CTNND2: variants seen among roughly 807,000 people sequenced by gnomAD.
The protein encoded by CTNND2 is catenin delta 2, also known as catenin delta-2.
CTNND2 carries 22 observed loss-of-function variants against 144.4 expected under a neutral mutation model. The ratio of observed to expected loss-of-function variants is 0.15; its 90% confidence interval spans 0.11 to 0.22. The LOEUF is 0.22. Ranked by LOEUF, CTNND2 falls within the 10% of genes least tolerant of loss-of-function variation. CTNND2 has a pLI of 1.00. For missense variants in CTNND2, 1,353 were observed against 1,618.8 expected, an observed-to-expected ratio of 0.84 and a Z score of 2.82; for synonymous variants, 751 against 695.6, an observed-to-expected ratio of 1.08 and a Z score of -1.25.
Position 11,251,323 on chromosome 5 carries a change from G to A in CTNND2, c.1629-14500C>T, listed in dbSNP as rs115438807. Among the ~76,000 whole-genome samples the A allele has an allele frequency of 3.9e-3, 600 of 152,212 alleles. 2 individuals are homozygous for A. The highest frequency in any genetic ancestry group is 3.6e-3 in the Non-Finnish European group (248 of 68,014). On this transcript the variant is annotated intron_variant, in intron 9 of 21. Transcript: ENST00000304623. ...GAATCATCTACATCCTAACATGTCC[G>A]TGCTTTGGGGCACTGCACAACTTCT...
intron 1 of CTNND2, among the ~76,000 whole-genome samples, chr5:11,896,813 T>C (rs1737431888): frequency 6.6e-6 from 1 of 152,194 alleles, no homozygotes; most frequent in African/African-American, 2.4e-5. Context: ...GCTTTAGTAT[T>C]ATGAATAGTT....
At chr5:11,713,869 T>G (rs144181522) in intron 2 of CTNND2, among the ~76,000 whole-genome samples, 1 of 152,278 alleles carries the variant, frequency 6.6e-6, no homozygotes, top group African/African-American at 2.4e-5. Context: ...ACTTGCCATC[T>G]TTAGTGATCA....
intron 18 of CTNND2, 132 bp downstream of exon 18, chr5:11,017,839 GGCT>G (rs1178517938): frequency 1.5e-6 from 1 of 677,836 alleles, no homozygotes; most frequent in African/African-American, 1.8e-5. Context: ...CCTCTTTTCT[GGCT>G]TCTTCACTGA....
intron 1 of CTNND2, among the ~76,000 whole-genome samples, chr5:11,888,743 T>C (rs76407387): frequency 1.3e-5 from 2 of 148,784 alleles, no homozygotes; most frequent in East Asian, 2.0e-4. Flanking sequence ...GTTCTCAGAA[T>C]GACTCTTTTT....
At chr5:11,786,753 C>T (rs755888458) in intron 1 of CTNND2, among the ~76,000 whole-genome samples, 8 of 152,148 alleles carry the variant, frequency 5.3e-5, no homozygotes, top group Non-Finnish European at 1.0e-4. Flanking sequence ...TCCATGAATA[C>T]ACACTTATCT....
intron 9 of CTNND2, among the ~76,000 whole-genome samples, chr5:11,328,829 T>C (rs58589273): frequency 0.097 from 14,694 of 152,194 alleles, 1,268 homozygotes; most frequent in African/African-American, 0.23. Flanking sequence ...GTGTCCAGTG[T>C]GTTTCATACT....
intron 20 of CTNND2, among the ~76,000 whole-genome samples, chr5:10,983,034 G>C (rs1737490307): frequency 6.6e-6 from 1 of 152,174 alleles, no homozygotes; most frequent in Non-Finnish European, 1.5e-5. Context: ...AATAAGAGGG[G>C]ATGGTTAATG....
At chr5:11,499,430 G>C (rs938695914) in intron 3 of CTNND2, among the ~76,000 whole-genome samples, 1 of 152,056 alleles carries the variant, frequency 6.6e-6, no homozygotes, top group Admixed American at 6.5e-5. Context: ...ACTTGTTTCT[G>C]GTTTATTTGA....
intron 18 of CTNND2, among the ~76,000 whole-genome samples, chr5:11,005,558 A>T (rs1740402741): frequency 6.6e-6 from 1 of 152,228 alleles, no homozygotes; most frequent in African/African-American, 2.4e-5. Context: ...GAAATATATC[A>T]TCAGGGTTTG....
intron 1 of CTNND2, among the ~76,000 whole-genome samples, chr5:11,804,977 G>A (rs781463500): frequency 4.6e-5 from 7 of 152,140 alleles, no homozygotes; most frequent in Admixed American, 6.5e-5. Flanking sequence ...AATGAATGGC[G>A]ATTGCAAGAC....
intron 9 of CTNND2, among the ~76,000 whole-genome samples, chr5:11,321,396 G>T (rs1752016949): frequency 6.6e-6 from 1 of 152,136 alleles, no homozygotes; most frequent in African/African-American, 2.4e-5. Flanking sequence ...GGTTGATGGT[G>T]GTAACTGGAC....
rs545262475 is a variant in CTNND2, at chr5:11,371,945, GA to G, written c.1178-7056del. Among the ~76,000 whole-genome samples, 9 of 152,070 alleles carry G rather than the reference GA, an allele frequency of 5.9e-5. No individual in the cohort carries two copies. The South Asian group carries it at 1.2e-3, about 21-fold the overall frequency. On this transcript the variant is annotated intron_variant, in intron 7 of 21. Coordinates refer to ENST00000304623, the MANE Select transcript of CTNND2 (RefSeq NM_001332.4). The stretch of plus-strand genomic sequence containing the variant: ...CTTATTATAAATCTATTTTTGGAAA[GA>G]AAAAAATGCCCTCCTATTTCATCAT...
At chr5:11,814,567 G>A (rs1173113740) in intron 1 of CTNND2, among the ~76,000 whole-genome samples, 1 of 152,252 alleles carries the variant, frequency 6.6e-6, no homozygotes, top group Non-Finnish European at 1.5e-5. Flanking sequence ...AAAGGAAAGT[G>A]AGTGGCTCCT....
chr5:11,153,083 G>A (rs1332327682), intron 12 of CTNND2, among the ~76,000 whole-genome samples: 1 of 152,132 alleles, frequency 6.6e-6, no homozygotes, highest in East Asian at 1.9e-4. Flanking sequence ...GGCCAACACG[G>A]TGAAACCCCA....
In CTNND2 at chr5:11,300,196, GAA is replaced by G. The variant is rs1200083818; in HGVS notation, c.1628+46174_1628+46175del. Reference sequence around the variant, plus strand: ...AACGGATAGGATTTCCTGCTCTTAGGAAAAGAGACCAGGTTTGGTCTCCAGCA... The same window carrying G: ...AACGGATAGGATTTCCTGCTCTTAGGAAGAGACCAGGTTTGGTCTCCAGCA... On this transcript the variant is annotated intron_variant, in intron 9 of 21. Transcript: ENST00000304623. Among the ~76,000 whole-genome samples the G allele has an allele frequency of 3.9e-5, 6 of 152,142 alleles. No individual in the cohort carries two copies. In the East Asian group the frequency reaches 1.2e-3, roughly 29 times the overall value.
At chr5:11,630,967 A>T (rs1262316284) in intron 2 of CTNND2, among the ~76,000 whole-genome samples, 2 of 151,342 alleles carry the variant, frequency 1.3e-5, no homozygotes, top group African/African-American at 4.9e-5. Context: ...AAAAAAAAAA[A>T]TACATAAACA....
At chr5:11,883,645 G>A (rs1175026386) in intron 1 of CTNND2, among the ~76,000 whole-genome samples, 1 of 152,150 alleles carries the variant, frequency 6.6e-6, no homozygotes, top group Non-Finnish European at 1.5e-5. Flanking sequence ...AAACATACGT[G>A]TGCAAGTGTC....
chr5:11,431,188 C>T (rs927083166), intron 3 of CTNND2, among the ~76,000 whole-genome samples: 5 of 152,104 alleles, frequency 3.3e-5, no homozygotes, highest in Admixed American at 1.3e-4. Context: ...TGCTTGCATG[C>T]CCTGAGCTGG....
intron 9 of CTNND2, among the ~76,000 whole-genome samples, chr5:11,259,536 AG>A (rs1435937755): frequency 1.1e-4 from 16 of 152,254 alleles, no homozygotes; most frequent in African/African-American, 3.9e-4. Flanking sequence ...AGAACTGTCC[AG>A]CTAAGCCCAG....
Sources: gnomAD v4.1 joint callset for allele counts (sites outside exome capture counted in the v4.1 genomes callset) on GRCh38, gnomAD v4.1.1 for gene constraint, MANE v1.5 for transcripts, NCBI Gene and HGNC (gene_info 2026-07-23, HGNC 2026-07-21) for gene names.